The following GALNT14 variants were observed in gnomAD, a reference collection of about 807,000 sequenced individuals.
GALNT14 encodes the protein polypeptide N-acetylgalactosaminyltransferase 14.
A neutral mutation model predicts 77.5 loss-of-function variants in GALNT14; 60 were observed. The ratio of observed to expected loss-of-function variants is 0.77; its 90% CI spans 0.63 to 0.96. The LOEUF (loss-of-function observed/expected upper bound fraction) is 0.96. Among genes scored for constraint, GALNT14 ranks in the 40% least tolerant of loss-of-function variants. The probability of loss-of-function intolerance (pLI) is 0.00; values close to 1 mark genes in which losing one functional copy is unlikely to be tolerated. For synonymous variants in GALNT14, 280 were observed against 281.7 expected, an observed-to-expected ratio of 0.99 and a Z score of 0.06; for missense variants, 710 against 731.0, an observed-to-expected ratio of 0.97 and a Z score of 0.33.
At chr2:31,007,361 C>T (rs1017239878) in intron 1 of GALNT14, among the ~76,000 whole-genome samples, 1 of 152,182 alleles carries the variant, frequency 6.6e-6, no homozygotes, top group Non-Finnish European at 1.5e-5. Context: ...ATTTATGATG[C>T]ACTTGCTTAT....
chr2:30,938,359 T>TACAC (rs151007812), intron 9 of GALNT14, among the ~76,000 whole-genome samples: 1,784 of 140,812 alleles, frequency 0.013, 16 homozygotes, highest in African/African-American at 0.033. Context: ...AGATTCCTTT[T>TACAC]ACACACACAC....
downstream of GALNT14, among the ~76,000 whole-genome samples, chr2:30,906,857 A>G (rs1339888159): frequency 2.0e-5 from 3 of 152,172 alleles, no homozygotes; most frequent in Non-Finnish European, 2.9e-5. Flanking sequence ...ATAACAAACT[A>G]TCTCTCAGAC....
At chr2:30,993,810 C>T (rs2148406522) in intron 1 of GALNT14, among the ~76,000 whole-genome samples, 1 of 152,300 alleles carries the variant, frequency 6.6e-6, no homozygotes, top group Admixed American at 6.5e-5. Flanking sequence ...TGGGAAGGGG[C>T]AGAGCTCAAA....
intron 1 of GALNT14, among the ~76,000 whole-genome samples, chr2:31,032,250 G>C (rs895469233): frequency 5.3e-5 from 8 of 152,186 alleles, no homozygotes; most frequent in Non-Finnish European, 1.5e-5. Context: ...TGGGGAACTG[G>C]TGGGGATGGC....
At chr2:31,057,448 A>T (rs1211802633) in intron 1 of GALNT14, among the ~76,000 whole-genome samples, 7 of 147,542 alleles carry the variant, frequency 4.7e-5, no homozygotes, top group African/African-American at 1.8e-4. Context: ...CGGCTGTTGC[A>T]GGTATATATA....
chr2:31,039,015 A>T (rs943340971), intron 1 of GALNT14, among the ~76,000 whole-genome samples: 14 of 152,106 alleles, frequency 9.2e-5, no homozygotes, highest in African/African-American at 3.4e-4. Flanking sequence ...CAGTGCTGGG[A>T]TTGCAGGCGT....
chr2:30,971,689 G>A (rs572070359), intron 2 of GALNT14, among the ~76,000 whole-genome samples: 1 of 152,236 alleles, frequency 6.6e-6, no homozygotes, highest in African/African-American at 2.4e-5. Flanking sequence ...GCTAACCCCA[G>A]GGTCTGGGGA....
intron 1 of GALNT14, among the ~76,000 whole-genome samples, chr2:31,135,961 C>A (rs1679211676): frequency 2.6e-5 from 4 of 152,108 alleles, no homozygotes. Context: ...GTCTCTTGTC[C>A]CAGATCCCTG....
the GALNT14 span, among the ~76,000 whole-genome samples, chr2:30,888,195 A>C: frequency 1.3e-5 from 2 of 152,144 alleles, no homozygotes; most frequent in African/African-American, 2.4e-5. Context: ...GAGCCTAGCC[A>C]TCTGTCTGCA....
intron 3 of GALNT14, among the ~76,000 whole-genome samples, chr2:30,965,684 G>T (rs569559353): frequency 2.3e-4 from 35 of 152,276 alleles, no homozygotes; most frequent in African/African-American, 8.2e-4. Context: ...GAAGCCCAGG[G>T]GAACGGGGAT....
chr2:31,103,502 C>CACACACACACACAA (rs1410203129), intron 1 of GALNT14, among the ~76,000 whole-genome samples: 2 of 152,006 alleles, frequency 1.3e-5, no homozygotes, highest in Non-Finnish European at 1.5e-5. Context: ...CACACACACA[C>CACACACACACACAA]ACACACATTA....
intron 2 of GALNT14, among the ~76,000 whole-genome samples, chr2:30,988,299 G>A (rs1231708693): frequency 6.6e-6 from 1 of 152,254 alleles, no homozygotes; most frequent in Non-Finnish European, 1.5e-5. Flanking sequence ...ACACAAAGGA[G>A]GCCCACCAGG....
At chr2:31,125,594 A>C (rs2148644388) in intron 1 of GALNT14, among the ~76,000 whole-genome samples, 1 of 152,378 alleles carries the variant, frequency 6.6e-6, no homozygotes, top group African/African-American at 2.4e-5. Flanking sequence ...GAAAGAAAAG[A>C]AATGCACATT....
At chr2:30,968,347 T>G (rs1370432988) in intron 2 of GALNT14, among the ~76,000 whole-genome samples, 9 of 152,246 alleles carry the variant, frequency 5.9e-5, no homozygotes, top group Non-Finnish European at 1.2e-4. Flanking sequence ...TATGTCCTTG[T>G]GTAGCCCCTC....
At chr2:30,893,448 G>T in the GALNT14 span, among the ~76,000 whole-genome samples, 1 of 152,136 alleles carries the variant, frequency 6.6e-6, no homozygotes, top group African/African-American at 2.4e-5. Context: ...GAGGTTTATT[G>T]TAATTCACTA....
intron 8 of GALNT14, among the ~76,000 whole-genome samples, chr2:30,943,996 A>G (rs1464705389): frequency 6.6e-6 from 1 of 152,226 alleles, no homozygotes; most frequent in African/African-American, 2.4e-5. Flanking sequence ...AACACCAGAG[A>G]CACAGAGATG....
intron 1 of GALNT14, among the ~76,000 whole-genome samples, chr2:31,030,954 C>T (rs7609452): frequency 0.058 from 8,865 of 152,194 alleles, 847 homozygotes; most frequent in African/African-American, 0.2. Context: ...ATTTTGATAG[C>T]CCCAGCTGAA....
intron 1 of GALNT14, among the ~76,000 whole-genome samples, chr2:31,105,726 A>C (rs1347932133): frequency 1.3e-5 from 2 of 150,870 alleles, no homozygotes; most frequent in African/African-American, 4.9e-5. Context: ...CCCTGTCTCA[A>C]AAAAAAAAGA....
chr2:30,963,032 A>G (rs1667787612), intron 3 of GALNT14, among the ~76,000 whole-genome samples: 1 of 152,136 alleles, frequency 6.6e-6, no homozygotes, highest in Admixed American at 6.5e-5. Context: ...CTGGTTGTCT[A>G]CACATGCCTC....
Sources: gnomAD v4.1 joint callset for allele counts (sites outside exome capture counted in the v4.1 genomes callset) on GRCh38, gnomAD v4.1.1 for gene constraint, MANE v1.5 for transcripts, NCBI Gene and HGNC (gene_info 2026-07-23, HGNC 2026-07-21) for gene names.